The following WDR97 variants were observed in gnomAD, a reference collection of about 807,000 sequenced individuals.
The protein encoded by WDR97 is WD repeat domain 97, also known as WD repeat-containing protein 97.
In WDR97, 111 loss-of-function variants were observed where a neutral mutation model predicts 65.4. That is an observed-to-expected ratio of 1.70 (90% CI 1.45 to 1.99). The LOEUF (loss-of-function observed/expected upper bound fraction) is 1.99. Among genes scored for constraint, WDR97 ranks in the 30% most tolerant of loss-of-function variants. WDR97 has a pLI of 0.00. For missense variants in WDR97, 1,674 were observed against 865.0 expected (o/e 1.94, Z -11.73); for synonymous variants, 802 against 397.7 (o/e 2.02, Z -12.10).
Position 144,109,571 on chromosome 8 carries a change from G to A in WDR97, c.1237G>A (p.Glu413Lys). The part of the protein sequence containing the change: ...ASSMQLWRVR[E>K]LYSPLAQLPA... ...CAGCATGCAGCTGTGGCGCGTACGC[G>A]AGCTCTACTCGCCGTTGGCGCAACT... Residue 413 changes from glutamate to lysine, a missense_variant, in exon 5 of 24, where the codon GAG becomes AAG. Glu to Lys is a moderately conservative substitution (Grantham distance 56, BLOSUM62 1). Transcript: ENST00000323662. 2.9e-6 allele frequency: 2 copies of A among 694,898 alleles called. No homozygotes were observed. The highest frequency in any genetic ancestry group is 3.0e-5 in the South Asian group (2 of 67,144). The allele number at this position is 694,898 out of a possible 1,614,324, so 43.0% of individuals were successfully genotyped here.
rs551803426 is a variant in WDR97, at chr8:144,112,119, G to A, written c.2870G>A (p.Arg957His). Reference protein sequence around the residue: ...RVTVPIPPTHRRVHSKASQLL... With the variant: ...RVTVPIPPTHHRVHSKASQLL... ...ACAGTGCCGATCCCACCCACCCACC[G>A]TAGGGTGCACAGCAAGGCATCCCAG... Residue 957 changes from arginine (R) to histidine (H), a missense_variant, in exon 13 of 24, where the codon CGT becomes CAT. Coordinates refer to ENST00000323662, the MANE Select transcript of WDR97 (RefSeq NM_001316309.2). 41 of 701,494 alleles carry A rather than the reference G, an allele frequency of 5.8e-5. No homozygotes were observed. Among genetic ancestry groups the A allele is most frequent in the Non-Finnish European group, 8.1e-5 (31 of 384,658 alleles). The allele number at this position is 701,494 out of a possible 1,614,324, so 43.5% of individuals were successfully genotyped here.
intron 15 of WDR97, 28 bp from the exon 16 acceptor site, chr8:144,113,412 C>T (rs1231451202): frequency 7.1e-6 from 5 of 701,418 alleles, no homozygotes; most frequent in African/African-American, 7.0e-5. Context: ...TCCAGGTCCT[C>T]AGCATTCCCT....
At position 144,110,210 on chromosome 8, in the gene WDR97, C is replaced by T. The variant is rs1460661472; in HGVS notation, c.1797C>T (p.Gly599=). The T allele has an allele frequency of 5.7e-6, 4 of 702,948 alleles. No homozygotes were observed. Among genetic ancestry groups the T allele is most frequent in the Non-Finnish European group, 1.0e-5 (4 of 384,968 alleles). 43.5% of individuals were successfully genotyped at this position (702,948 alleles called of 1,614,324 possible). ...TVFQTEAHSP[G]PVVAIASTWN... Reference sequence around the variant, plus strand: ...TCCAAACGGAGGCGCACAGCCCGGGCCCGGTTGTCGCCATCGCATCCACCT... The same window carrying T: ...TCCAAACGGAGGCGCACAGCCCGGGTCCGGTTGTCGCCATCGCATCCACCT... The change falls in exon 6 of 24, where the codon GGC becomes GGT. Residue 599 remains glycine, a synonymous_variant. Coordinates refer to ENST00000323662, the MANE Select transcript of WDR97 (RefSeq NM_001316309.2).
rs7829844 is a variant in WDR97 at position 144,116,774 on chromosome 8, C to G, written c.*481C>G. On this transcript the variant is annotated 3_prime_UTR_variant, in exon 24 of 24. Coordinates refer to ENST00000323662, the MANE Select transcript of WDR97 (RefSeq NM_001316309.2). ...CTTGCTTTCGTTACTTTTATTCTGG[C>G]AAAGAGAAGAATTGACAAAGGCACC... 6.5e-6 allele frequency: 1 copy of G among 152,860 alleles called. No individual in the cohort carries two copies. Among genetic ancestry groups the G allele is most frequent in the African/African-American group, 2.4e-5 (1 of 41,410 alleles). The allele number at this position is 152,860 out of a possible 1,614,324, so 9.5% of individuals were successfully genotyped here.
At position 144,111,443 on chromosome 8, in the gene WDR97, T is replaced by A. The variant is rs1836546752; in HGVS notation, c.2444T>A (p.Ile815Asn). The change falls in exon 11 of 24, where the codon ATC becomes AAC. Residue 815 changes from isoleucine (I) to asparagine (N), a missense_variant. Transcript: ENST00000323662. ...AASLSEALSLIHRRRATSQHL... is the reference protein window; with the variant it reads ...AASLSEALSLNHRRRATSQHL... ...GTTTGCAGCGAGGCCTTGTCTCTCATCCATCGTCGGAGGGCAACATCTCAG... is the reference window on the plus strand; with the variant it reads ...GTTTGCAGCGAGGCCTTGTCTCTCAACCATCGTCGGAGGGCAACATCTCAG... 2.8e-6 allele frequency: 2 copies of A among 702,630 alleles called. No homozygotes were observed. The highest frequency in any genetic ancestry group is 5.2e-6 in the Non-Finnish European group (2 of 384,954). 43.5% of individuals were successfully genotyped at this position (702,630 alleles called of 1,614,324 possible). A position where few individuals can be genotyped will look rare whatever the true frequency, so the allele number is the denominator to read the frequency against.
In WDR97 at chr8:144,111,213, C is replaced by G. The variant is rs1265378242; in HGVS notation, c.2417C>G (p.Ala806Gly). 1.4e-6 allele frequency: 1 copy of G among 702,722 alleles called. No individual in the cohort carries two copies. Among genetic ancestry groups the G allele is most frequent in the Middle Eastern group, 2.3e-4 (1 of 4,370 alleles). 43.5% of individuals were successfully genotyped at this position (702,722 alleles called of 1,614,324 possible). The change falls in exon 10 of 24, where the codon GCC (alanine) becomes GGC (glycine). Residue 806 changes from alanine to glycine, a missense_variant. Ala to Gly is a moderately conservative substitution (Grantham distance 60, BLOSUM62 0). Transcript: ENST00000323662. ...LQRLTNLHGA[A>G]SLSEALSLIH... ...AGGCTCACCAACCTCCATGGGGCAG[C>G]CAGCCTCAGGTCCCATGCAGGCCTG...
rs1434726316 is a variant in WDR97, at chr8:144,109,054, T to C, written c.884T>C (p.Ile295Thr). Residue 295 changes from isoleucine to threonine, a missense_variant, in exon 4 of 24, where the codon ATC becomes ACC. Ile to Thr is a moderately conservative substitution (Grantham distance 89). Coordinates refer to ENST00000323662, the MANE Select transcript of WDR97 (RefSeq NM_001316309.2). The part of the protein sequence containing the change: ...DVRRDLHKTT[I>T]SDLAYCEEVE... ...CTCCCATTCCCCACCTGTAGCACCA[T>C]CTCGGACCTGGCTTACTGCGAGGAA... The C allele has an allele frequency of 5.7e-6, 4 of 703,078 alleles. No individual in the cohort carries two copies. Among genetic ancestry groups the C allele is most frequent in the Non-Finnish European group, 1.0e-5 (4 of 385,054 alleles). The allele number at this position is 703,078 out of a possible 1,614,324, so 43.6% of individuals were successfully genotyped here. A position where few individuals can be genotyped will look rare whatever the true frequency, so the allele number is the denominator to read the frequency against.
At chr8:144,113,245 C>T (rs372971307) in intron 15 of WDR97, 195 bp from the exon 16 acceptor site, 12 of 597,564 alleles carry the variant, frequency 2.0e-5, no homozygotes, top group East Asian at 5.7e-5. Flanking sequence ...CTGAGGGCCT[C>T]GCCCCTGGTA....
chr8:144,108,678 G>A lies in WDR97; in HGVS notation c.612G>A (p.Pro204=), dbSNP rs1216530784. Residue 204 remains proline, a synonymous_variant, in exon 3 of 24, where the codon CCG becomes CCA. Transcript: ENST00000323662. ...GTTGGGCGCCCACCTGCTGCCTGCCGGTTCCCGACCTCAGGCTGCTGCTCG... is the reference window on the plus strand; with the variant it reads ...GTTGGGCGCCCACCTGCTGCCTGCCAGTTCCCGACCTCAGGCTGCTGCTCG... ...APGWAPTCCL[P]VPDLRLLLVA... is the part of the protein sequence containing the mutation. The A allele has an allele frequency of 5.7e-6, 4 of 700,732 alleles. No individual in the cohort carries two copies. The highest frequency in any genetic ancestry group is 2.7e-5 in the East Asian group (1 of 37,268). The allele number at this position is 700,732 out of a possible 1,614,324, so 43.4% of individuals were successfully genotyped here.
At chr8:144,113,363 G>A in intron 15 of WDR97, 77 bp from the exon 16 acceptor site, 1 of 693,984 alleles carries the variant, frequency 1.4e-6, no homozygotes. Context: ...GCTCTGAGAG[G>A]TTATACAGGT....
chr8:144,109,765 G>C lies in WDR97; in HGVS notation c.1431G>C (p.Ala477=). The C allele has an allele frequency of 1.5e-6, 1 of 676,962 alleles. No individual in the cohort carries two copies. Among genetic ancestry groups the C allele is most frequent in the Non-Finnish European group, 2.7e-6 (1 of 375,032 alleles). 41.9% of individuals were successfully genotyped at this position (676,962 alleles called of 1,614,324 possible). The change falls in exon 5 of 24, where the codon GCG becomes GCC. Residue 477 remains alanine (A), a synonymous_variant. Coordinates refer to ENST00000323662, the MANE Select transcript of WDR97 (RefSeq NM_001316309.2). ...TGCTGCTGGAGCCGGAGGACTGCGC[G>C]GCAGCCGTGGCCTACTGCCTGCCGC... ...SSLLLEPEDC[A]AAVAYCLPRE... is the part of the protein sequence containing the mutation.
intron 1 of WDR97, 97 bp downstream of exon 1, chr8:144,107,959 G>A (rs1391208979): frequency 2.9e-6 from 2 of 701,142 alleles, no homozygotes. Context: ...CCCCTGGGCA[G>A]TCCCTGGTAG....
At chr8:144,111,853 C>T in intron 12 of WDR97, 34 bp from the exon 13 acceptor site, 3 of 664,794 alleles carry the variant, frequency 4.5e-6, no homozygotes, top group East Asian at 3.0e-5. Flanking sequence ...CCCACCTGGT[C>T]TCTGATGGTC....
In WDR97 at chr8:144,117,127, C is replaced by T. The variant is rs922128763; in HGVS notation, c.*834C>T. 6.6e-6 allele frequency: 1 copy of T among 152,326 alleles called. No homozygotes were observed. Among genetic ancestry groups the T allele is most frequent in the Non-Finnish European group, 1.5e-5 (1 of 68,110 alleles). The allele number at this position is 152,326 out of a possible 1,614,324, so 9.4% of individuals were successfully genotyped here. ...TGTCACCCCAAACTGTGCGGTGGCT[C>T]TTGTTATGGGGCCACCAAATGGCTG... On this transcript the variant is annotated 3_prime_UTR_variant, in exon 24 of 24. Transcript: ENST00000323662.
chr8:144,111,605 CA>C (rs1320285792), intron 11 of WDR97, 26 bp from the exon 12 acceptor site: 2 of 677,822 alleles, frequency 3.0e-6, no homozygotes. Flanking sequence ...CAAGGAAGAG[CA>C]GGCTGATCCC....
Position 144,114,850 on chromosome 8 carries a change from C to A in WDR97, c.4016C>A (p.Ser1339Tyr), listed in dbSNP as rs1454107457. The A allele has an allele frequency of 1.6e-5, 11 of 702,580 alleles. No individual in the cohort carries two copies. The highest frequency in any genetic ancestry group is 2.9e-5 in the Non-Finnish European group (11 of 384,920). 43.5% of individuals were successfully genotyped at this position (702,580 alleles called of 1,614,324 possible). A position where few individuals can be genotyped will look rare whatever the true frequency, so the allele number is the denominator to read the frequency against. Reference protein sequence around the residue: ...MTWVQGPDLDSKAGLRTCCHQ... With the variant: ...MTWVQGPDLDYKAGLRTCCHQ... ...TGGGTCCAGGGCCCAGACCTGGACT[C>A]CAAGGCCGGCCTGCGCACTTGCTGC... Residue 1339 changes from serine (S) to tyrosine (Y), a missense_variant, in exon 21 of 24, where the codon TCC (serine) becomes TAC (tyrosine). Ser to Tyr is a moderately radical substitution (Grantham distance 144, BLOSUM62 -2). Coordinates refer to ENST00000323662, the MANE Select transcript of WDR97 (RefSeq NM_001316309.2).
chr8:144,109,770 C>T lies in WDR97; in HGVS notation c.1436C>T (p.Ala479Val). ...LLLEPEDCAA[A>V]VAYCLPREAL... is the part of the protein sequence containing the mutation. ...CTGGAGCCGGAGGACTGCGCGGCAG[C>T]CGTGGCCTACTGCCTGCCGCGCGAG... Residue 479 changes from alanine to valine, a missense_variant, in exon 5 of 24, where the codon GCC becomes GTC. Physicochemically the swap from Ala to Val is moderately conservative, Grantham distance 64. Coordinates refer to ENST00000323662, the MANE Select transcript of WDR97 (RefSeq NM_001316309.2). 2 of 675,300 alleles carry T rather than the reference C, an allele frequency of 3.0e-6. No individual in the cohort carries two copies. The highest frequency in any genetic ancestry group is 5.3e-6 in the Non-Finnish European group (2 of 374,580). 41.8% of individuals were successfully genotyped at this position (675,300 alleles called of 1,614,324 possible).
Position 144,111,125 on chromosome 8 carries a change from G to A in WDR97, c.2329G>A (p.Val777Met), listed in dbSNP as rs368323168. The A allele has an allele frequency of 7.8e-4, 545 of 702,780 alleles. 3 individuals carry two copies. The highest frequency in any genetic ancestry group is 6.2e-3 in the African/African-American group (356 of 57,376). The allele number at this position is 702,780 out of a possible 1,614,324, so 43.5% of individuals were successfully genotyped here. ...GAAGATGTGCCGGAAGGCCCCAGAC[G>A]TGGTGGACGACCCTCCGCTGCCACT... Reference protein sequence around the residue: ...VKKMCRKAPDVVDDPPLPLMS... With the variant: ...VKKMCRKAPDMVDDPPLPLMS... Residue 777 changes from valine to methionine, a missense_variant, in exon 10 of 24, where the codon GTG becomes ATG. Coordinates refer to ENST00000323662, the MANE Select transcript of WDR97 (RefSeq NM_001316309.2).
chr8:144,113,702 T>A lies in WDR97; in HGVS notation c.3229T>A (p.Ser1077Thr), dbSNP rs755918922. 85 of 681,810 alleles carry A rather than the reference T, an allele frequency of 1.2e-4. No homozygotes were observed. Among genetic ancestry groups the A allele is most frequent in the Non-Finnish European group, 2.0e-4 (75 of 372,776 alleles). 42.2% of individuals were successfully genotyped at this position (681,810 alleles called of 1,614,324 possible). The change falls in exon 17 of 24, where the codon TCC becomes ACC. Residue 1077 changes from serine to threonine, a missense_variant. Physicochemically the swap from Ser to Thr is moderately conservative, Grantham distance 58 (BLOSUM62 1). Transcript: ENST00000323662. Reference protein sequence around the residue: ...DALWLWRPRPSQTQWQRKLLQ... With the variant: ...DALWLWRPRPTQTQWQRKLLQ... ...CCTGTGGTTGTGGCGCCCCAGGCCA[T>A]CCCAAACCCAGTGGCAGAGGAAGCT...
Sources: gnomAD v4.1 joint callset for allele counts on GRCh38, gnomAD v4.1.1 for gene constraint, MANE v1.5 for transcripts, NCBI Gene and HGNC (gene_info 2026-07-23, HGNC 2026-07-21) for gene names.